Variants in TPRG1 observed in about 807,000 individuals in gnomAD.
The protein encoded by TPRG1 is tumor protein p63-regulated gene 1 protein.
A neutral mutation model predicts 29.3 loss-of-function variants in TPRG1; 29 were observed. That is an observed-to-expected ratio of 0.99 (90% CI 0.74 to 1.35). The LOEUF is 1.35. TPRG1 is among the 40% of genes most tolerant of loss of function. TPRG1 has a pLI of 0.00. For missense variants in TPRG1, 327 were observed against 335.0 expected (o/e 0.98, Z 0.19); for synonymous variants, 130 against 116.8 (o/e 1.11, Z -0.73).
At chr3:189,219,318 A>T (rs1228879170) in intron 3 of TPRG1, among the ~76,000 whole-genome samples, 3 of 152,288 alleles carry the variant, frequency 2.0e-5, no homozygotes, top group Admixed American at 2.0e-4. Flanking sequence ...AGAGTCCAAG[A>T]GGGGCACTGG....
chr3:189,108,737 T>G (rs1720121182), intron 1 of TPRG1, among the ~76,000 whole-genome samples: 1 of 152,164 alleles, frequency 6.6e-6, no homozygotes, highest in Non-Finnish European at 1.5e-5. Flanking sequence ...AACCAACATT[T>G]ATGGTACCTT....
intron 4 of TPRG1, among the ~76,000 whole-genome samples, chr3:189,308,518 T>A (rs191732904): frequency 6.6e-6 from 1 of 152,336 alleles, no homozygotes; most frequent in East Asian, 1.9e-4. Context: ...TTCAGATTAA[T>A]CTTCCTAGTT....
chr3:189,099,764 A>G (rs2095079882), upstream of TPRG1, among the ~76,000 whole-genome samples: 1 of 152,152 alleles, frequency 6.6e-6, no homozygotes, highest in Non-Finnish European at 1.5e-5. Context: ...GATTGCTTTC[A>G]GCTACTACCC....
chr3:189,235,940 A>T (rs532282193), intron 3 of TPRG1, among the ~76,000 whole-genome samples: 1 of 152,144 alleles, frequency 6.6e-6, no homozygotes, highest in African/African-American at 2.4e-5. Context: ...GACCTTGTAA[A>T]CCTTTCTGAG....
chr3:189,279,528 A>T (rs1716743095), intron 4 of TPRG1, among the ~76,000 whole-genome samples: 2 of 152,226 alleles, frequency 1.3e-5, no homozygotes, highest in Non-Finnish European at 2.9e-5. Flanking sequence ...TAAATTATTC[A>T]ATCTCTCTAA....
intron 4 of TPRG1, among the ~76,000 whole-genome samples, chr3:189,291,378 T>C (rs1318612359): frequency 2.0e-5 from 3 of 152,234 alleles, no homozygotes; most frequent in South Asian, 4.1e-4. Context: ...TAATGGAGTC[T>C]CTTTTATCTC....
chr3:189,292,985 G>A (rs1375281264), intron 4 of TPRG1, among the ~76,000 whole-genome samples: 5 of 152,170 alleles, frequency 3.3e-5, no homozygotes. Flanking sequence ...GGTCCCACAT[G>A]TGCTTGTTTT....
rs979417131 is a variant in TPRG1, at chr3:189,131,429, T to C, written c.-589-970T>C. 1.5e-4 allele frequency among the ~76,000 whole-genome samples: 23 copies of C among 152,092 alleles called. 1 individual carries two copies. Among genetic ancestry groups the C allele is most frequent in the Non-Finnish European group, 2.9e-4 (20 of 68,022 alleles). ...GAAAAAAGCTCACTAAAAGGCAAAA[T>C]TACAATAATTTGAGAATATAAAATC... On this transcript the variant is annotated intron_variant, in intron 2 of 6. Transcript: ENST00000412373.
At chr3:189,157,772 C>A (rs1726890228) in intron 5 of TPRG1, among the ~76,000 whole-genome samples, 1 of 152,174 alleles carries the variant, frequency 6.6e-6, no homozygotes, top group African/African-American at 2.4e-5. Flanking sequence ...CCCTGTCCTC[C>A]TTCCTAAGCC....
chr3:189,015,008 G>A (rs552983528), intron 3 of TPRG1, among the ~76,000 whole-genome samples: 1 of 152,268 alleles, frequency 6.6e-6, no homozygotes, highest in African/African-American at 2.4e-5. Flanking sequence ...GTTTGGAGGG[G>A]TCAGAAGAAG....
At chr3:189,310,775 T>A (rs1722363001) in intron 5 of TPRG1, among the ~76,000 whole-genome samples, 1 of 152,206 alleles carries the variant, frequency 6.6e-6, no homozygotes, top group Admixed American at 6.6e-5. Context: ...TATAACATGC[T>A]GCTTTCCGCT....
intron 3 of TPRG1, among the ~76,000 whole-genome samples, chr3:189,017,744 C>A (rs1713029308): frequency 1.3e-5 from 2 of 152,136 alleles, no homozygotes; most frequent in South Asian, 4.1e-4. Flanking sequence ...GGTATATACC[C>A]AGTAATGGGA....
At position 189,284,200 on chromosome 3, in the gene TPRG1, C is replaced by CT. The variant is rs72114782; in HGVS notation, c.480-26173dup. Among the ~76,000 whole-genome samples the CT allele has an allele frequency of 5.9e-3, 858 of 146,384 alleles. 5 individuals are homozygous for CT. The highest frequency in any genetic ancestry group is 0.01 in the Middle Eastern group (3 of 286). Reference sequence around the variant, plus strand: ...TTCCCTTTTGAATTCCTCACTTTTACTTTTTTTTTTTTTATTATACTTTAA... The same window carrying CT: ...TTCCCTTTTGAATTCCTCACTTTTACTTTTTTTTTTTTTTATTATACTTTAA... On this transcript the variant is annotated intron_variant, in intron 4 of 5. Coordinates refer to ENST00000345063, the MANE Select transcript of TPRG1 (RefSeq NM_198485.4).
chr3:189,085,688 A>T (rs1263344433), intron 4 of TPRG1, among the ~76,000 whole-genome samples: 1 of 152,224 alleles, frequency 6.6e-6, no homozygotes, highest in Admixed American at 6.5e-5. Flanking sequence ...CAGTTGAAGG[A>T]TGACATCAGC....
intron 4 of TPRG1, among the ~76,000 whole-genome samples, chr3:189,288,102 G>T (rs1226496072): frequency 6.6e-6 from 1 of 151,962 alleles, no homozygotes; most frequent in Non-Finnish European, 1.5e-5. Context: ...AAAATTATGT[G>T]TGTATATGGT....
At chr3:189,022,586 C>G (rs573220144) in intron 3 of TPRG1, among the ~76,000 whole-genome samples, 34 of 149,560 alleles carry the variant, frequency 2.3e-4, no homozygotes, top group African/African-American at 5.4e-4. Context: ...GCAGTCTGCC[C>G]GTTCTCAGAT....
At chr3:189,075,808 C>T (rs1019003971) in intron 4 of TPRG1, among the ~76,000 whole-genome samples, 4 of 152,164 alleles carry the variant, frequency 2.6e-5, no homozygotes, top group African/African-American at 4.8e-5. Context: ...CTTTTATGCA[C>T]GGGGATAACC....
At chr3:189,088,261 A>G (rs1472583495) in intron 4 of TPRG1, among the ~76,000 whole-genome samples, 1 of 152,060 alleles carries the variant, frequency 6.6e-6, no homozygotes, top group Non-Finnish European at 1.5e-5. Flanking sequence ...TTCTCTTTGA[A>G]GCAATTGTGA....
intron 2 of TPRG1, among the ~76,000 whole-genome samples, chr3:189,212,829 C>T (rs898699678): frequency 2.6e-5 from 4 of 152,188 alleles, no homozygotes; most frequent in Admixed American, 6.5e-5. Context: ...GAAAAATTAG[C>T]ACAGACATGG....
Sources: gnomAD v4.1 joint callset for allele counts (sites outside exome capture counted in the v4.1 genomes callset) on GRCh38, gnomAD v4.1.1 for gene constraint, MANE v1.5 for transcripts, NCBI Gene and HGNC (gene_info 2026-07-23, HGNC 2026-07-21) for gene names.